LARGE1: variants seen among roughly 807,000 people sequenced by gnomAD.
LARGE1 encodes the protein xylosyl- and glucuronyltransferase LARGE1.
In LARGE1, 43 loss-of-function variants were observed where a neutral mutation model predicts 87.6. That is an observed-to-expected ratio of 0.49 (90% CI 0.38 to 0.63). The LOEUF (loss-of-function observed/expected upper bound fraction) is 0.63, where lower values mean the gene tolerates loss of function less well. Among genes scored for constraint, LARGE1 ranks in the 30% least tolerant of loss-of-function variants. LARGE1 has a pLI of 0.00. For synonymous variants in LARGE1, 434 were observed against 394.6 expected (o/e 1.10, Z -1.18); for missense variants, 802 against 1,000.2 (o/e 0.80, Z 2.67).
chr22:33,788,973 A>G (rs1179971078), intron 1 of LARGE1, among the ~76,000 whole-genome samples: 15 of 152,226 alleles, frequency 9.9e-5, no homozygotes, highest in Admixed American at 9.2e-4. Flanking sequence ...CTGATAAGAA[A>G]TTCAAGCCTG....
At chr22:33,503,845 A>C (rs1367637894) in intron 6 of LARGE1, among the ~76,000 whole-genome samples, 1 of 152,034 alleles carries the variant, frequency 6.6e-6, no homozygotes, top group Non-Finnish European at 1.5e-5. Flanking sequence ...AAACAAAACA[A>C]AACAAAAACC....
At chr22:33,621,907 C>T (rs2079766283) in intron 4 of LARGE1, among the ~76,000 whole-genome samples, 2 of 152,146 alleles carry the variant, frequency 1.3e-5, no homozygotes, top group Admixed American at 1.3e-4. Context: ...GACAGACGTA[C>T]CTGAATGTAT....
chr22:33,146,370 G>A, the LARGE1 span, among the ~76,000 whole-genome samples: 1 of 152,030 alleles, frequency 6.6e-6, no homozygotes, highest in Admixed American at 6.6e-5. Flanking sequence ...GTTCAAGTTG[G>A]CTCAATGAGC....
At chr22:33,360,573 G>A (rs1181810825) in intron 9 of LARGE1, among the ~76,000 whole-genome samples, 3 of 149,166 alleles carry the variant, frequency 2.0e-5, no homozygotes, top group African/African-American at 4.9e-5. Context: ...AGAACAACAC[G>A]ATGCGGATGG....
chr22:33,893,918 T>C (rs376851451), intron 1 of LARGE1, among the ~76,000 whole-genome samples: 43 of 152,260 alleles, frequency 2.8e-4, no homozygotes, highest in African/African-American at 1.0e-3. Flanking sequence ...CCCCTTTCAC[T>C]ACATGTTGAG....
intron 11 of LARGE1, among the ~76,000 whole-genome samples, chr22:33,172,860 G>A (rs1044263585): frequency 1.1e-4 from 17 of 152,168 alleles, no homozygotes; most frequent in African/African-American, 3.9e-4. Context: ...GGGGCTATGT[G>A]AAAAGACCAA....
At chr22:33,541,043 GTGGTGGGTTGC>G (rs2077178725) in intron 6 of LARGE1, among the ~76,000 whole-genome samples, 1 of 91,024 alleles carries the variant, frequency 1.1e-5, no homozygotes, top group African/African-American at 4.2e-5. Context: ...GGTGGCTGGG[GTGGTGGGTTGC>G]GGGGGGGGGG....
At chr22:33,702,669 C>A (rs2082411341) in intron 2 of LARGE1, among the ~76,000 whole-genome samples, 1 of 152,150 alleles carries the variant, frequency 6.6e-6, no homozygotes, top group African/African-American at 2.4e-5. Context: ...TGGGATGCCT[C>A]TATGGTGTGA....
chr22:33,371,958 T>C (rs2064824101), intron 9 of LARGE1, among the ~76,000 whole-genome samples: 2 of 149,746 alleles, frequency 1.3e-5, no homozygotes, highest in Admixed American at 6.7e-5. Context: ...CACTCCAGCC[T>C]GGGCGACAGA....
the LARGE1 span, among the ~76,000 whole-genome samples, chr22:33,146,838 C>T: frequency 5.3e-5 from 8 of 152,222 alleles, no homozygotes; most frequent in East Asian, 9.6e-4. Context: ...ACCCACCATC[C>T]AAGTCAATGT....
chr22:33,400,741 G>A (rs1391927706), intron 7 of LARGE1, among the ~76,000 whole-genome samples: 6 of 152,200 alleles, frequency 3.9e-5, no homozygotes, highest in Admixed American at 6.5e-5. Context: ...GAGTCTGCAT[G>A]GAAGGGCACA....
At chr22:33,625,252 G>A (rs894199993) in intron 4 of LARGE1, among the ~76,000 whole-genome samples, 17 of 152,162 alleles carry the variant, frequency 1.1e-4, no homozygotes, top group African/African-American at 3.1e-4. Flanking sequence ...ACACTGGCTG[G>A]AACCATGAAC....
intron 4 of LARGE1, among the ~76,000 whole-genome samples, chr22:33,622,654 C>G (rs191845410): frequency 2.0e-5 from 3 of 152,306 alleles, no homozygotes; most frequent in African/African-American, 7.2e-5. Context: ...GTCCAGCCCG[C>G]TGCCACTGGA....
chr22:33,419,668 G>GT (rs35446469), intron 7 of LARGE1, among the ~76,000 whole-genome samples: 68,917 of 151,574 alleles, frequency 0.45, 16,036 homozygotes, highest in Non-Finnish European at 0.48. Flanking sequence ...ATGAATCTTT[G>GT]TTTTTGTTGT....
intron 11 of LARGE1, among the ~76,000 whole-genome samples, chr22:33,311,088 G>C (rs1217923214): frequency 6.6e-6 from 1 of 151,912 alleles, no homozygotes; most frequent in African/African-American, 2.4e-5. Flanking sequence ...AGCCTCCCGT[G>C]TAGCTGGGAC....
chr22:33,150,623 T>C, the LARGE1 span, among the ~76,000 whole-genome samples: 1,717 of 152,338 alleles, frequency 0.011, 15 homozygotes, highest in Non-Finnish European at 0.016. Context: ...TTAGTTTCTG[T>C]ATAAAGTGTG....
intron 11 of LARGE1, among the ~76,000 whole-genome samples, chr22:33,259,203 C>T (rs555665759): frequency 2.2e-4 from 33 of 152,198 alleles, no homozygotes; most frequent in African/African-American, 7.9e-4. Context: ...CTAAGAAATG[C>T]TGAAGGGTTT....
chr22:33,838,315 C>T (rs1392628771), intron 1 of LARGE1, among the ~76,000 whole-genome samples: 1 of 152,122 alleles, frequency 6.6e-6, no homozygotes. Flanking sequence ...TTCAGTGACT[C>T]ATACAGCCAC....
At chr22:33,271,766 G>A (rs1374524089), downstream of LARGE1, among the ~76,000 whole-genome samples, 3 of 152,182 alleles carry the variant, frequency 2.0e-5, no homozygotes, top group African/African-American at 7.2e-5. Flanking sequence ...CTGGCTCTGC[G>A]GACCTCAGCC....
Sources: gnomAD v4.1 joint callset for allele counts (sites outside exome capture counted in the v4.1 genomes callset) on GRCh38, gnomAD v4.1.1 for gene constraint, MANE v1.5 for transcripts, NCBI Gene and HGNC (gene_info 2026-07-23, HGNC 2026-07-21) for gene names.